The following JMJD1C variants were observed in gnomAD, a reference collection of about 807,000 sequenced individuals.
JMJD1C encodes jumonji domain-containing protein 1C.
In JMJD1C, 31 loss-of-function variants were observed where a neutral mutation model predicts 245.3. The observed-to-expected ratio is 0.13, with a 90% CI of 0.09 to 0.17. The LOEUF (loss-of-function observed/expected upper bound fraction) is 0.17. JMJD1C is among the 10% of genes least tolerant of loss of function. The pLI, the probability that JMJD1C is intolerant of heterozygous loss-of-function variation, is 1.00. For missense variants in JMJD1C, 2,691 were observed against 3,000.2 expected (o/e 0.90, Z 2.41); for synonymous variants, 1,057 against 1,017.4 (o/e 1.04, Z -0.74).
At chr10:63,289,461 C>CA (rs1430188159) in intron 2 of JMJD1C, among the ~76,000 whole-genome samples, 3 of 152,004 alleles carry the variant, frequency 2.0e-5, no homozygotes, top group Non-Finnish European at 2.9e-5. Flanking sequence ...ACTAAAACAG[C>CA]AAAAAATAAC....
chr10:63,196,760 T>C (rs1053302972), intron 13 of JMJD1C, among the ~76,000 whole-genome samples: 3 of 152,186 alleles, frequency 2.0e-5, no homozygotes, highest in Non-Finnish European at 2.9e-5. Context: ...ACTTCCAAAA[T>C]TGCCTTGGAT....
At chr10:63,394,050 T>C (rs1211079950) in intron 1 of JMJD1C, among the ~76,000 whole-genome samples, 2 of 151,838 alleles carry the variant, frequency 1.3e-5, no homozygotes, top group African/African-American at 4.8e-5. Context: ...CAGGGACTGG[T>C]AGTGTGCGCA....
At chr10:63,338,640 A>AT (rs34238197) in intron 2 of JMJD1C, among the ~76,000 whole-genome samples, 13,170 of 95,096 alleles carry the variant, frequency 0.14, 1,482 homozygotes, top group East Asian at 0.25. Flanking sequence ...TGCTCCTTAG[A>AT]TTTTTTTTTT....
chr10:63,277,810 TC>T (rs1856968763), intron 2 of JMJD1C, among the ~76,000 whole-genome samples: 1 of 141,628 alleles, frequency 7.1e-6, no homozygotes, highest in South Asian at 2.4e-4. Context: ...TGATCTTGGC[TC>T]ACTGAAACCT....
At chr10:63,209,991 G>C (rs1847133111) in intron 8 of JMJD1C, among the ~76,000 whole-genome samples, 1 of 151,996 alleles carries the variant, frequency 6.6e-6, no homozygotes, top group Non-Finnish European at 1.5e-5. Context: ...TCAAATAGCA[G>C]GAAAATACAA....
chr10:63,330,130 G>T (rs1941986859), intron 2 of JMJD1C, among the ~76,000 whole-genome samples: 1 of 152,286 alleles, frequency 6.6e-6, no homozygotes, highest in East Asian at 1.9e-4. Context: ...TCGAACTCCT[G>T]ACCTCAGGTG....
Position 63,167,781 on chromosome 10 carries a change from G to C in JMJD1C, c.*264C>G. On this transcript the variant is annotated 3_prime_UTR_variant, in exon 26 of 26. Coordinates refer to ENST00000399262, the MANE Select transcript of JMJD1C (RefSeq NM_032776.3). Reference sequence around the variant, plus strand: ...AAAATAAATACATCATTTTAAATCTGGCATTTTCACAAACATCATATACAC... The same window carrying C: ...AAAATAAATACATCATTTTAAATCTCGCATTTTCACAAACATCATATACAC... 3.3e-6 allele frequency: 1 copy of C among 301,110 alleles called. No homozygotes were observed. Among genetic ancestry groups the C allele is most frequent in the Non-Finnish European group, 6.1e-6 (1 of 163,246 alleles). The allele number at this position is 301,110 out of a possible 1,614,324, so 18.7% of individuals were successfully genotyped here.
Position 63,378,376 on chromosome 10 carries a change from G to C in JMJD1C, c.333+1942C>G, listed in dbSNP as rs559452644. Among the ~76,000 whole-genome samples, 212 of 152,092 alleles carry C rather than the reference G, an allele frequency of 1.4e-3. 3 individuals are homozygous for C. The highest frequency in any genetic ancestry group is 4.4e-4 in the Non-Finnish European group (30 of 68,018). On this transcript the variant is annotated intron_variant, in intron 2 of 25. Coordinates refer to ENST00000399262, the MANE Select transcript of JMJD1C (RefSeq NM_032776.3). ...GAGGGCCGAGGCGGGTGGATCACGA[G>C]GTCAGGAGATCGAGACCATCCTGGC... is the stretch of plus-strand genomic sequence containing the variant.
rs1952451372 is a variant in JMJD1C at position 63,456,942 on chromosome 10, TCTC to T, written c.168+8550_168+8552del. Among the ~76,000 whole-genome samples, 3 of 152,092 alleles carry T rather than the reference TCTC, an allele frequency of 2.0e-5. 1 individual carries two copies. In the South Asian group the frequency reaches 6.2e-4, roughly 31 times the overall value. ...TCAAGGGATTAGTAAGATAAAAACT[TCTC>T]AAAATACTACTAAGACATTATTTGC... On this transcript the variant is annotated intron_variant, in intron 1 of 25. Transcript: ENST00000399262.
Position 63,213,751 on chromosome 10 carries a change from C to T in JMJD1C, c.2416G>A (p.Ala806Thr). The change falls in exon 8 of 26, where the codon GCC (alanine) becomes ACC (threonine). Residue 806 changes from alanine to threonine, a missense_variant. Around this residue, in one of 9 missense-constraint regions of JMJD1C, gnomAD observed 1,562 missense variants for 1,490.7 expected, o/e 1.05. Coordinates refer to ENST00000399262, the MANE Select transcript of JMJD1C (RefSeq NM_032776.3). ...LPTVLPGVPTASLLGGHPRLE... is the reference protein window; with the variant it reads ...LPTVLPGVPTTSLLGGHPRLE... ...CGTGGGTGGCCACCAAGTAAGGAGG[C>T]AGTAGGCACTCCAGGTAACACAGTG... is the stretch of plus-strand genomic sequence containing the variant. 1 of 1,614,098 alleles carries T rather than the reference C, an allele frequency of 6.2e-7. No homozygotes were observed. The highest frequency in any genetic ancestry group is 1.1e-5 in the South Asian group (1 of 91,084).
chr10:63,433,616 C>A (rs1159151531), intron 1 of JMJD1C, among the ~76,000 whole-genome samples: 1 of 135,830 alleles, frequency 7.4e-6, no homozygotes, highest in African/African-American at 2.7e-5. Flanking sequence ...GACAGGGTCT[C>A]GCTTTGATGC....
chr10:63,375,285 C>A (rs986230992), intron 2 of JMJD1C, among the ~76,000 whole-genome samples: 1 of 140,918 alleles, frequency 7.1e-6, no homozygotes, highest in African/African-American at 2.6e-5. Flanking sequence ...TTTCTGGGCT[C>A]AAGGGATCCT....
chr10:63,358,767 C>G (rs1052328677), intron 2 of JMJD1C: 1 of 152,848 alleles, frequency 6.5e-6, no homozygotes, highest in Non-Finnish European at 1.5e-5. Flanking sequence ...ACCTCCATAA[C>G]CCAGGGGCTG....
At chr10:63,458,850 A>C (rs1329968272) in intron 1 of JMJD1C, among the ~76,000 whole-genome samples, 1 of 151,946 alleles carries the variant, frequency 6.6e-6, no homozygotes, top group African/African-American at 2.4e-5. Flanking sequence ...CAGTACCCAA[A>C]GGAGCTGGGA....
intron 25 of JMJD1C, 102 bp downstream of exon 25, chr10:63,168,333 A>G: frequency 8.1e-7 from 1 of 1,233,350 alleles, no homozygotes; most frequent in Non-Finnish European, 1.1e-6. Flanking sequence ...TTGTCACCCT[A>G]ATGTGACCAA....
At position 63,263,219 on chromosome 10, in the gene JMJD1C, C is replaced by A. The variant is rs1855020186; in HGVS notation, c.447+1432G>T. On this transcript the variant is annotated intron_variant, in intron 3 of 25. Coordinates refer to ENST00000399262, the MANE Select transcript of JMJD1C (RefSeq NM_032776.3). ...AAATATTATAAACAAAGAACAAAAG[C>A]TAACAATACAAAAAAACTAGGTCCT... Among the ~76,000 whole-genome samples the A allele has an allele frequency of 2.6e-5, 4 of 152,074 alleles. No individual in the cohort carries two copies. The South Asian group carries it at 6.2e-4, about 24-fold the overall frequency.
intron 1 of JMJD1C, among the ~76,000 whole-genome samples, chr10:63,504,497 G>A (rs1359675868): frequency 6.6e-6 from 1 of 152,166 alleles, no homozygotes. Flanking sequence ...TAAGGAAAAA[G>A]GAGGCTGACA....
At chr10:63,228,988 T>C (rs1350159153) in intron 3 of JMJD1C, among the ~76,000 whole-genome samples, 5 of 152,096 alleles carry the variant, frequency 3.3e-5, no homozygotes, top group African/African-American at 7.2e-5. Context: ...CATTCAGAGA[T>C]TGGAATCATC....
At chr10:63,397,340 G>A (rs4746126) in intron 1 of JMJD1C, among the ~76,000 whole-genome samples, 149,931 of 152,182 alleles carry the variant, frequency 0.99, 73,891 homozygotes, top group Middle Eastern at 1. Flanking sequence ...CAGCCCCCCG[G>A]ATAGCTGGGA....
Sources: allele counts gnomAD v4.1 joint callset (sites outside exome capture counted in the v4.1 genomes callset), GRCh38; gene constraint gnomAD v4.1.1; regional missense constraint gnomAD v4.1.1; transcripts MANE v1.5; gene names NCBI Gene and HGNC (gene_info 2026-07-23, HGNC 2026-07-21).